EQTN: variants seen among roughly 807,000 people sequenced by gnomAD.
EQTN encodes Acrosome formation associated factor.
A neutral mutation model predicts 26.9 loss-of-function variants in EQTN; 29 were observed. That is an observed-to-expected ratio of 1.08 (90% confidence interval 0.80 to 1.47). EQTN has a LOEUF of 1.47. Ranked by LOEUF, EQTN falls within the 40% of genes most tolerant of loss-of-function variation. The pLI is 0.00. For missense variants in EQTN, 391 were observed against 346.1 expected (o/e 1.13, Z -1.03); for synonymous variants, 129 against 120.0 (o/e 1.07, Z -0.49).
chr9:27,290,907 C>T, intron 5 of EQTN, 112 bp downstream of exon 5: 1 of 813,654 alleles, frequency 1.2e-6, no homozygotes, highest in Non-Finnish European at 1.8e-6. Flanking sequence ...CATGTGGCAA[C>T]AAAATGTTGA....
chr9:27,288,789 A>T (rs1271901640), intron 6 of EQTN, among the ~76,000 whole-genome samples: 1 of 152,168 alleles, frequency 6.6e-6, no homozygotes, highest in East Asian at 1.9e-4. Context: ...CAACTATATG[A>T]CATTCTAGAA....
At chr9:27,286,122 A>G (rs938951889) in intron 7 of EQTN, 87 bp downstream of exon 7, 1 of 1,327,592 alleles carries the variant, frequency 7.5e-7, no homozygotes, top group Non-Finnish European at 1.1e-6. Context: ...CAGAGGTCAC[A>G]TATTCCTAAG....
At position 27,295,763 on chromosome 9, in the gene EQTN, C is replaced by T. The variant is rs183256421; in HGVS notation, c.202+850G>A. Among the ~76,000 whole-genome samples the T allele has an allele frequency of 5.8e-3, 724 of 124,500 alleles. 6 individuals are homozygous for T. Among genetic ancestry groups the T allele is most frequent in the African/African-American group, 0.021 (670 of 32,678 alleles). 81.7% of individuals were successfully genotyped at this position (124,500 alleles called of 152,430 possible). A position where few individuals can be genotyped will look rare whatever the true frequency, so the allele number is the denominator to read the frequency against. On this transcript the variant is annotated intron_variant, in intron 2 of 7. Transcript: ENST00000380032. The stretch of plus-strand genomic sequence containing the variant: ...AGGAGAATGGTGTGAACCCGGGAGG[C>T]GGAACTTGGAGCGAGCAGAGATTGC...
chr9:27,292,824 G>A (rs1214320354), intron 3 of EQTN, among the ~76,000 whole-genome samples: 2 of 152,186 alleles, frequency 1.3e-5, no homozygotes, highest in South Asian at 4.1e-4. Flanking sequence ...CTGCACAGGC[G>A]GTGAAATGAT....
At chr9:27,294,980 C>CTTGATGCACATGA (rs1820307560) in intron 2 of EQTN, among the ~76,000 whole-genome samples, 1 of 152,196 alleles carries the variant, frequency 6.6e-6, no homozygotes, top group Non-Finnish European at 1.5e-5. Context: ...AGACGGCAGA[C>CTTGATGCACATGA]TGGACATGCA....
chr9:27,296,146 T>A (rs1426008520), intron 2 of EQTN, among the ~76,000 whole-genome samples: 1 of 151,810 alleles, frequency 6.6e-6, no homozygotes, highest in Non-Finnish European at 1.5e-5. Context: ...ACAAAAAAAA[T>A]ACAAAAATTA....
At position 27,296,984 on chromosome 9, in the gene EQTN, A is replaced by T. The variant is rs1347162283; in HGVS notation, c.72T>A (p.Ile24=). ...AAGTTTTAAATGCTCTCTCACCTTC[A>T]ATAGTAGGCTTCAAAGTGCTACTTT... ...SLKSSTLKPT[I]EALPNVLPLN... is the part of the protein sequence containing the mutation. The change falls in exon 1 of 8, where the codon ATT becomes ATA. Residue 24 remains isoleucine (I), a synonymous_variant. Transcript: ENST00000380032. The T allele has an allele frequency of 1.9e-6, 3 of 1,611,976 alleles. No individual in the cohort carries two copies. In the African/African-American group the frequency reaches 4.0e-5, roughly 22 times the overall value.
intron 2 of EQTN, among the ~76,000 whole-genome samples, chr9:27,294,980 C>T (rs548677853): frequency 6.6e-6 from 1 of 152,314 alleles, no homozygotes; most frequent in South Asian, 2.1e-4. Flanking sequence ...AGACGGCAGA[C>T]TGGACATGCA....
intron 7 of EQTN, 92 bp from the exon 8 acceptor site, chr9:27,285,064 G>C: frequency 8.9e-7 from 1 of 1,120,380 alleles, no homozygotes; most frequent in Non-Finnish European, 1.2e-6. Context: ...TAAAATATAC[G>C]AATTTTGCCC....
Position 27,297,051 on chromosome 9 carries a change from T to C in EQTN, c.5A>G (p.Asn2Ser). 6.2e-7 allele frequency: 1 copy of C among 1,603,288 alleles called. No individual in the cohort carries two copies. The highest frequency in any genetic ancestry group is 8.5e-7 in the Non-Finnish European group (1 of 1,172,284). ...AGGTATAAAAATAAACAATATAAAA[T>C]TCATTGGGAAATTGAAGTGATTTAT... is the stretch of plus-strand genomic sequence containing the variant. MNFILFIFIPGV... is the reference protein window; with the variant it reads MSFILFIFIPGV... Residue 2 changes from asparagine to serine, a missense_variant, in exon 1 of 8, where the codon AAT becomes AGT. By Grantham distance (46) the Asn-to-Ser change is conservative. Transcript: ENST00000380032.
chr9:27,289,115 T>C (rs1252761575), intron 6 of EQTN, among the ~76,000 whole-genome samples: 1 of 152,196 alleles, frequency 6.6e-6, no homozygotes, highest in African/African-American at 2.4e-5. Context: ...GGAAATTCTG[T>C]ACGTTCTGCC....
At chr9:27,295,115 CCA>C (rs1399668920) in intron 2 of EQTN, among the ~76,000 whole-genome samples, 1 of 152,048 alleles carries the variant, frequency 6.6e-6, no homozygotes, top group Non-Finnish European at 1.5e-5. Context: ...GAAATTCACC[CCA>C]GTGTGTATAT....
rs1415682477 is a variant in EQTN, at chr9:27,285,161, T to TTTA, written c.636-190_636-189insTAA. On this transcript the variant is annotated intron_variant, in intron 7 of 7. Transcript: ENST00000380032. ...TTTTTTTTTTTTTTTTTTTTTTTTT[T>TTTA]TGAGACAGAATCTCACTCTATCTCC... Among the ~76,000 whole-genome samples the TTTA allele has an allele frequency of 5.3e-4, 54 of 102,752 alleles. 1 individual carries two copies. The highest frequency in any genetic ancestry group is 2.1e-3 in the African/African-American group (51 of 24,588). The allele number at this position is 102,752 out of a possible 152,430, so 67.4% of individuals were successfully genotyped here. A position where few individuals can be genotyped will look rare whatever the true frequency, so the allele number is the denominator to read the frequency against.
intron 6 of EQTN, among the ~76,000 whole-genome samples, chr9:27,287,375 G>A (rs943618238): frequency 6.6e-6 from 1 of 152,140 alleles, no homozygotes; most frequent in African/African-American, 2.4e-5. Flanking sequence ...ACGTTAAAAT[G>A]GGCTGTGCTC....
At chr9:27,285,007 T>A (rs1230157315) in intron 7 of EQTN, 35 bp from the exon 8 acceptor site, 4 of 1,572,380 alleles carry the variant, frequency 2.5e-6, no homozygotes, top group Non-Finnish European at 3.5e-6. Flanking sequence ...AAGAATTGTT[T>A]TTAATTGTGT....
intron 3 of EQTN, among the ~76,000 whole-genome samples, 192 bp downstream of exon 3, chr9:27,294,120 TGGGA>T (rs1480401151): frequency 9.9e-5 from 15 of 152,178 alleles, no homozygotes; most frequent in Admixed American, 9.8e-4. Flanking sequence ...TGTATTTGTG[TGGGA>T]GGAAGTGTGA....
intron 2 of EQTN, 182 bp from the exon 3 acceptor site, chr9:27,294,584 T>C (rs1451516539): frequency 1.6e-5 from 6 of 384,336 alleles, no homozygotes; most frequent in Non-Finnish European, 2.3e-5. Flanking sequence ...CTAAAACTCA[T>C]TGAAAAAAGC....
rs761663781 is a variant in EQTN at position 27,284,971 on chromosome 9, A to G, written c.637T>C (p.Tyr213His). The change falls in exon 8 of 8, where the codon TAT (tyrosine) becomes CAT (histidine). Residue 213 changes from tyrosine (Y) to histidine (H), a missense_variant and splice_region_variant. Physicochemically the swap from Tyr to His is moderately conservative, Grantham distance 83 (BLOSUM62 2). Coordinates refer to ENST00000380032, the MANE Select transcript of EQTN (RefSeq NM_020641.3). ...GAGTACTGACTCTCACAACTTTTAT[A>G]ACTGAAGAAGAAAAGAACATATATC... Reference protein sequence around the residue: ...ATLYKLRHLSYKSCESQYSVN... With the variant: ...ATLYKLRHLSHKSCESQYSVN... 2.5e-6 allele frequency: 4 copies of G among 1,609,510 alleles called. No individual in the cohort carries two copies. The Admixed American group carries it at 6.8e-5, about 27-fold the overall frequency.
At chr9:27,291,179 T>G in intron 4 of EQTN, 116 bp from the exon 5 acceptor site, 2 of 880,146 alleles carry the variant, frequency 2.3e-6, no homozygotes, top group Non-Finnish European at 3.4e-6. Context: ...TTTGAGCTCC[T>G]ATAATGTGTC....
Sources: gnomAD v4.1 joint callset for allele counts (sites outside exome capture counted in the v4.1 genomes callset) on GRCh38, gnomAD v4.1.1 for gene constraint, MANE v1.5 for transcripts, NCBI Gene and HGNC (gene_info 2026-07-23, HGNC 2026-07-21) for gene names.